The following EPHA6 variants were observed in gnomAD, a reference collection of about 807,000 sequenced individuals.
The protein encoded by EPHA6 is ephrin type-A receptor 6.
Under a neutral mutation model 112.0 loss-of-function variants are expected in EPHA6, and 50 were observed. The observed-to-expected ratio is 0.45, with a 90% confidence interval of 0.36 to 0.56. EPHA6 has a LOEUF of 0.56. EPHA6 is among the 20% of genes least tolerant of loss of function. EPHA6 has a pLI of 0.00. For synonymous variants in EPHA6, 529 were observed against 490.7 expected (o/e 1.08, Z -1.03); for missense variants, 1,280 against 1,417.4 (o/e 0.90, Z 1.56).
At chr3:97,413,720 A>G (rs1258419694) in intron 6 of EPHA6, among the ~76,000 whole-genome samples, 1 of 151,888 alleles carries the variant, frequency 6.6e-6, no homozygotes, top group Non-Finnish European at 1.5e-5. Context: ...TGGGGTCCTG[A>G]GATTATATTT....
chr3:97,352,573 T>C (rs899036162), intron 5 of EPHA6, among the ~76,000 whole-genome samples: 1 of 152,136 alleles, frequency 6.6e-6, no homozygotes, highest in Non-Finnish European at 1.5e-5. Flanking sequence ...TGGAATTCAG[T>C]TGGTGCCCAC....
At chr3:96,887,079 G>C (rs4507274) in intron 2 of EPHA6, among the ~76,000 whole-genome samples, 38,282 of 152,026 alleles carry the variant, frequency 0.25, 9,045 homozygotes, top group African/African-American at 0.6. Flanking sequence ...AATTCTTTTT[G>C]AGGTAAATCA....
chr3:97,063,872 T>C (rs2046101918), intron 3 of EPHA6, among the ~76,000 whole-genome samples: 1 of 152,170 alleles, frequency 6.6e-6, no homozygotes, highest in Non-Finnish European at 1.5e-5. Context: ...CCAAGCTCAA[T>C]TTTTACAAAA....
Position 96,919,531 on chromosome 3 carries a change from A to G in EPHA6, c.450+52642A>G, listed in dbSNP as rs549628002. ...TAGTTACTTCATTTAATTTAGCTTT[A>G]GGGAATATTTTTTATATTTATGTCT... On this transcript the variant is annotated intron_variant, in intron 2 of 17. Transcript: ENST00000389672. Among the ~76,000 whole-genome samples, 33 of 151,976 alleles carry G rather than the reference A, an allele frequency of 2.2e-4. No homozygotes were observed. In the East Asian group the frequency reaches 5.8e-3, roughly 27 times the overall value.
chr3:97,336,278 C>CT (rs2083052979), intron 5 of EPHA6, among the ~76,000 whole-genome samples: 1 of 152,058 alleles, frequency 6.6e-6, no homozygotes, highest in South Asian at 2.1e-4. Context: ...TGGCCTATGC[C>CT]TAGGAAAGAA....
intron 1 of EPHA6, among the ~76,000 whole-genome samples, chr3:96,844,106 T>A (rs1435261137): frequency 2.0e-5 from 3 of 152,034 alleles, no homozygotes; most frequent in Non-Finnish European, 4.4e-5. Flanking sequence ...CTGGGGTGTA[T>A]ACTTTAAAAC....
chr3:97,607,717 A>G (rs2093690013), intron 12 of EPHA6, among the ~76,000 whole-genome samples: 2 of 151,174 alleles, frequency 1.3e-5, no homozygotes, highest in Admixed American at 1.3e-4. Context: ...TGCAAATACT[A>G]AGATGATTCT....
At chr3:97,142,950 C>G (rs1464415913) in intron 3 of EPHA6, among the ~76,000 whole-genome samples, 1 of 151,960 alleles carries the variant, frequency 6.6e-6, no homozygotes, top group African/African-American at 2.4e-5. Context: ...GTCACCACTC[C>G]TATTCAACAT....
chr3:97,709,650 G>A (rs1390246653), intron 14 of EPHA6, among the ~76,000 whole-genome samples: 1 of 152,158 alleles, frequency 6.6e-6, no homozygotes, highest in African/African-American at 2.4e-5. Flanking sequence ...GGATTGATAT[G>A]GTTTGGCTCT....
intron 10 of EPHA6, among the ~76,000 whole-genome samples, chr3:97,505,980 G>A (rs796329993): frequency 1.2e-4 from 18 of 152,278 alleles, no homozygotes; most frequent in African/African-American, 3.9e-4. Context: ...CCACATAAAT[G>A]TCTTCTTTTG....
chr3:97,639,926 A>G (rs373190264), intron 14 of EPHA6, among the ~76,000 whole-genome samples: 3 of 150,826 alleles, frequency 2.0e-5, no homozygotes, highest in African/African-American at 4.9e-5. Context: ...AGAAGGTATC[A>G]ATTAAATGGC....
chr3:97,293,353 A>C (rs549181631), intron 5 of EPHA6, among the ~76,000 whole-genome samples: 1 of 152,184 alleles, frequency 6.6e-6, no homozygotes, highest in East Asian at 1.9e-4. Flanking sequence ...TCCTTTTGGC[A>C]GGCAGGTCAT....
intron 11 of EPHA6, among the ~76,000 whole-genome samples, chr3:97,547,693 G>A (rs1338904058): frequency 6.6e-6 from 1 of 152,224 alleles, no homozygotes; most frequent in Non-Finnish European, 1.5e-5. Context: ...GACTCCTTGA[G>A]CTGTGGTGGG....
chr3:97,448,098 T>C (rs904564130), intron 6 of EPHA6, among the ~76,000 whole-genome samples: 6 of 152,118 alleles, frequency 3.9e-5, no homozygotes, highest in African/African-American at 1.4e-4. Flanking sequence ...TAAAAAGCAA[T>C]TAATTTATTT....
intron 1 of EPHA6, among the ~76,000 whole-genome samples, chr3:96,816,843 A>G (rs764732331): frequency 1.2e-4 from 18 of 152,008 alleles, no homozygotes; most frequent in African/African-American, 3.9e-4. Context: ...AAGCATCGAG[A>G]TGTTATTTAT....
rs367582375 is a variant in EPHA6, at chr3:97,420,293, T to TA, written c.1731+15030dup. Among the ~76,000 whole-genome samples, 828 of 143,646 alleles carry TA rather than the reference T, an allele frequency of 5.8e-3. 7 individuals carry two copies. The highest frequency in any genetic ancestry group is 0.016 in the African/African-American group (626 of 40,010). 94.2% of individuals were successfully genotyped at this position (143,646 alleles called of 152,430 possible). ...AATAAACTGTTTATCCTTTGATTCT[T>TA]AAAAAAAAAAAGATAAAAATTGACC... On this transcript the variant is annotated intron_variant, in intron 6 of 17. Transcript: ENST00000389672.
At chr3:97,449,763 T>A (rs886246694) in intron 7 of EPHA6, among the ~76,000 whole-genome samples, 6 of 152,146 alleles carry the variant, frequency 3.9e-5, no homozygotes, top group Admixed American at 3.9e-4. Flanking sequence ...TGTTAGCTAC[T>A]CCACCATCCT....
intron 12 of EPHA6, among the ~76,000 whole-genome samples, chr3:97,597,952 T>C (rs941720146): frequency 2.0e-5 from 3 of 152,100 alleles, no homozygotes; most frequent in African/African-American, 7.2e-5. Flanking sequence ...TGGCAGACTT[T>C]GGAGAAATGT....
intron 5 of EPHA6, among the ~76,000 whole-genome samples, chr3:97,351,491 T>C (rs1472165715): frequency 3.3e-5 from 5 of 152,336 alleles, no homozygotes; most frequent in East Asian, 1.9e-4. Flanking sequence ...TGGGAATACA[T>C]TGAGGTCTTA....
Sources: allele counts gnomAD v4.1 joint callset (sites outside exome capture counted in the v4.1 genomes callset), GRCh38; gene constraint gnomAD v4.1.1; transcripts MANE v1.5; gene names NCBI Gene and HGNC (gene_info 2026-07-23, HGNC 2026-07-21).